Variants in ARHGAP8 observed in about 807,000 individuals in gnomAD.
The protein encoded by ARHGAP8 is rho GTPase-activating protein 8.
In ARHGAP8, 62 loss-of-function variants were observed where a neutral mutation model predicts 46.1. The ratio of observed to expected loss-of-function variants is 1.34; its 90% CI spans 1.10 to 1.66. The LOEUF (loss-of-function observed/expected upper bound fraction) is 1.66. ARHGAP8 is among the 40% of genes most tolerant of loss of function. ARHGAP8 has a pLI of 0.00. For synonymous variants in ARHGAP8, 375 were observed against 243.1 expected, an observed-to-expected ratio of 1.54 and a Z score of -5.05; for missense variants, 923 against 568.4, an observed-to-expected ratio of 1.62 and a Z score of -6.34.
chr22:44,802,626 C>CT (rs1928637908), intron 3 of ARHGAP8, among the ~76,000 whole-genome samples: 1 of 152,192 alleles, frequency 6.6e-6, no homozygotes, highest in Non-Finnish European at 1.5e-5. Flanking sequence ...TTAAAATGCT[C>CT]TGAGTGGATC....
At chr22:44,854,038 A>AAC (rs1290504719) in intron 10 of ARHGAP8, among the ~76,000 whole-genome samples, 1 of 137,806 alleles carries the variant, frequency 7.3e-6, no homozygotes, top group Non-Finnish European at 1.5e-5. Context: ...AAAAAAAAAA[A>AAC]AAAAAAAAAA....
At position 44,847,420 on chromosome 22, in the gene ARHGAP8, G is replaced by A. The variant is rs971497906; in HGVS notation, c.671-553G>A. ...ACAGCAGCCACCAGCCCCTGTGGCAGTAGCTCAATAGGGCAGTTCATATGA... is the reference window on the plus strand; with the variant it reads ...ACAGCAGCCACCAGCCCCTGTGGCAATAGCTCAATAGGGCAGTTCATATGA... On this transcript the variant is annotated intron_variant, in intron 8 of 11. Coordinates refer to ENST00000356099, the MANE Select transcript of ARHGAP8 (RefSeq NM_181335.3). Among the ~76,000 whole-genome samples the A allele has an allele frequency of 4.6e-5, 7 of 152,268 alleles. No individual in the cohort carries two copies. In the East Asian group the frequency reaches 1.2e-3, roughly 25 times the overall value.
Position 44,845,350 on chromosome 22 carries a change from G to A in ARHGAP8, c.670+8G>A, listed in dbSNP as rs749023096. ...CGTACCTGAGAGAGAAAGGTGAGAC[G>A]GGGCCGGCTCCAGCTGGATGACGTG... On this transcript the variant is annotated splice_region_variant and intron_variant, in intron 8 of 11. Transcript: ENST00000356099. The A allele has an allele frequency of 1.3e-5, 21 of 1,613,952 alleles. No homozygotes were observed. Among genetic ancestry groups the A allele is most frequent in the Non-Finnish European group, 1.6e-5 (19 of 1,180,010 alleles).
Position 44,812,364 on chromosome 22 carries a change from G to GT in ARHGAP8, c.300-2297dup, listed in dbSNP as rs1198428931. On this transcript the variant is annotated intron_variant, in intron 4 of 11. Transcript: ENST00000356099. ...GAGCCTTTTTTTTTTTTTGCTTTCT[G>GT]TTTTTTTTTTTGAGACGGAGTCTTG... Among the ~76,000 whole-genome samples the GT allele has an allele frequency of 6.6e-3, 776 of 117,116 alleles. 9 individuals carry two copies. The highest frequency in any genetic ancestry group is 0.015 in the African/African-American group (484 of 31,614). The allele number at this position is 117,116 out of a possible 152,430, so 76.8% of individuals were successfully genotyped here. A position where few individuals can be genotyped will look rare whatever the true frequency, so the allele number is the denominator to read the frequency against.
chr22:44,861,650 A>G (rs879890237), intron 11 of ARHGAP8, among the ~76,000 whole-genome samples: 1 of 152,164 alleles, frequency 6.6e-6, no homozygotes, highest in Non-Finnish European at 1.5e-5. Context: ...CAAGGAGCAG[A>G]GAACAGGCCC....
intron 1 of ARHGAP8, among the ~76,000 whole-genome samples, chr22:44,779,565 T>TTTTG (rs1926687251): frequency 1.3e-3 from 4 of 3,058 alleles, no homozygotes; most frequent in Non-Finnish European, 3.1e-3. Context: ...AGTTTGAGGA[T>TTTTG]TTTTTTTTTT....
intron 10 of ARHGAP8, among the ~76,000 whole-genome samples, chr22:44,856,741 A>G (rs2070236327): frequency 7.0e-6 from 1 of 143,252 alleles, no homozygotes; most frequent in Admixed American, 6.7e-5. Context: ...AGACAAAGGC[A>G]AACAGTGACT....
intron 3 of ARHGAP8, among the ~76,000 whole-genome samples, chr22:44,803,812 T>TA (rs921891713): frequency 1.5e-4 from 20 of 131,228 alleles, no homozygotes; most frequent in Non-Finnish European, 2.7e-4. Flanking sequence ...TGTGCACACA[T>TA]ACCTGCTCTC....
chr22:44,850,232 G>A (rs999827979), intron 10 of ARHGAP8: 1 of 152,204 alleles, frequency 6.6e-6, no homozygotes, highest in Non-Finnish European at 1.5e-5. Flanking sequence ...CTGAGATGGG[G>A]AAGGTCTCTC....
intron 10 of ARHGAP8, among the ~76,000 whole-genome samples, chr22:44,859,185 T>G (rs1283437348): frequency 2.0e-5 from 3 of 152,166 alleles, no homozygotes; most frequent in African/African-American, 7.2e-5. Flanking sequence ...ATTCAGGTGA[T>G]GATAGGGCTT....
In ARHGAP8 at chr22:44,808,293, T is replaced by G; in HGVS notation, c.168-14T>G. 6.2e-7 allele frequency: 1 copy of G among 1,607,778 alleles called. No homozygotes were observed. The highest frequency in any genetic ancestry group is 8.5e-7 in the Non-Finnish European group (1 of 1,176,050). ...AGGTGATTTTCATAACTGAATCTTC[T>G]GTGTTGTGCCCAGGTATTTGAAGTA... On this transcript the variant is annotated splice_polypyrimidine_tract_variant and intron_variant, in intron 3 of 11. Transcript: ENST00000356099.
intron 7 of ARHGAP8, among the ~76,000 whole-genome samples, chr22:44,836,900 G>A (rs1378086997): frequency 6.6e-6 from 1 of 151,816 alleles, no homozygotes; most frequent in Non-Finnish European, 1.5e-5. Flanking sequence ...TTGTTTTGAG[G>A]CAGAGGCTCA....
At chr22:44,764,768 T>C (rs953126053) in intron 1 of ARHGAP8, among the ~76,000 whole-genome samples, 1 of 152,164 alleles carries the variant, frequency 6.6e-6, no homozygotes, top group Admixed American at 6.6e-5. Flanking sequence ...CCTGCGTCAG[T>C]CAGTGTTCTC....
chr22:44,828,425 A>ATTTTTTTTTTTTTTTTTTTTTTT (rs535537198), intron 7 of ARHGAP8, among the ~76,000 whole-genome samples: 2 of 118,284 alleles, frequency 1.7e-5, no homozygotes, highest in Non-Finnish European at 3.4e-5. Flanking sequence ...GCAGACCAGA[A>ATTTTTTTTTTTTTTTTTTTTTTT]TTTTTTTTTT....
Position 44,825,612 on chromosome 22 carries a change from T to G in ARHGAP8, c.596+19T>G, listed in dbSNP as rs957282860. On this transcript the variant is annotated intron_variant, in intron 7 of 11. Coordinates refer to ENST00000356099, the MANE Select transcript of ARHGAP8 (RefSeq NM_181335.3). Reference sequence around the variant, plus strand: ...TGCAATAGTAAGTGAGCCGGGGATGTGCCTGCTCCTATGCCCTGGAGCCCT... The same window carrying G: ...TGCAATAGTAAGTGAGCCGGGGATGGGCCTGCTCCTATGCCCTGGAGCCCT... 3 of 1,606,078 alleles carry G rather than the reference T, an allele frequency of 1.9e-6. No individual in the cohort carries two copies.
At position 44,839,134 on chromosome 22, in the gene ARHGAP8, C is replaced by T. The variant is rs969911458; in HGVS notation, c.597-6135C>T. Reference sequence around the variant, plus strand: ...ATCCTGGGAGAAAAGGACCTGCCTGCCACATTCCTCCCTCCCCAGGGACAC... The same window carrying T: ...ATCCTGGGAGAAAAGGACCTGCCTGTCACATTCCTCCCTCCCCAGGGACAC... On this transcript the variant is annotated intron_variant, in intron 7 of 11. Coordinates refer to ENST00000356099, the MANE Select transcript of ARHGAP8 (RefSeq NM_181335.3). 3.3e-5 allele frequency among the ~76,000 whole-genome samples: 5 copies of T among 152,114 alleles called. No homozygotes were observed. In the East Asian group the frequency reaches 7.7e-4, roughly 23 times the overall value.
At chr22:44,754,371 T>TGTGTGTGTGTGTGA (rs1924499840) in intron 1 of ARHGAP8, among the ~76,000 whole-genome samples, 1 of 146,062 alleles carries the variant, frequency 6.8e-6, no homozygotes, top group African/African-American at 2.7e-5. Context: ...TGTGTGTGTG[T>TGTGTGTGTGTGTGA]GTGACGCAGT....
intron 7 of ARHGAP8, among the ~76,000 whole-genome samples, chr22:44,835,785 C>T (rs1931243650): frequency 6.6e-6 from 1 of 152,148 alleles, no homozygotes; most frequent in African/African-American, 2.4e-5. Context: ...TTCTCCTTAT[C>T]TCCCAGAGCC....
intron 2 of ARHGAP8, among the ~76,000 whole-genome samples, chr22:44,791,107 G>A (rs1252100421): frequency 6.6e-6 from 1 of 152,088 alleles, no homozygotes; most frequent in Non-Finnish European, 1.5e-5. Flanking sequence ...GAACCTTCCA[G>A]ATTATTCATC....
Sources: allele counts gnomAD v4.1 joint callset (sites outside exome capture counted in the v4.1 genomes callset), GRCh38; gene constraint gnomAD v4.1.1; transcripts MANE v1.5; gene names NCBI Gene and HGNC (gene_info 2026-07-23, HGNC 2026-07-21).